TTN: variants seen among roughly 807,000 people sequenced by gnomAD.
TTN encodes titin, also known as connectin.
A neutral mutation model predicts 3,223.0 loss-of-function variants in TTN; 1,525 were observed. The ratio of observed to expected loss-of-function variants is 0.47; its 90% CI spans 0.45 to 0.49. The LOEUF is 0.49. Among genes scored for constraint, TTN ranks in the 20% least tolerant of loss-of-function variants. TTN has a pLI of 0.00. For synonymous variants in TTN, 14,094 were observed against 15,161.0 expected, an observed-to-expected ratio of 0.93 and a Z score of 5.17; for missense variants, 40,786 against 43,424.0, an observed-to-expected ratio of 0.94 and a Z score of 5.40.
At position 178,723,366 on chromosome 2, in the gene TTN, AC is replaced by A. The variant is rs1364113110; in HGVS notation, c.21683-43del. 3.7e-6 allele frequency: 6 copies of A among 1,603,520 alleles called. No individual in the cohort carries two copies. The African/African-American group carries it at 6.7e-5, about 18-fold the overall frequency. On this transcript the variant is annotated intron_variant, in intron 74 of 362. Transcript: ENST00000589042. ...CACAGCAGTTAAACACAAGAAAAAC[AC>A]AAGGATGTCGGTATACAGAAAACAG...
At position 178,707,543 on chromosome 2, in the gene TTN, G is replaced by A; in HGVS notation, c.29024C>T (p.Ser9675Leu). 6.2e-7 allele frequency: 1 copy of A among 1,613,270 alleles called. No homozygotes were observed. The highest frequency in any genetic ancestry group is 8.5e-7 in the Non-Finnish European group (1 of 1,179,422). Reference sequence around the variant, plus strand: ...GTCTGTACCTTTAATGGTCACTTTTGATTTGGTAGTGTCACTTCCAGCCAC... The same window carrying A: ...GTCTGTACCTTTAATGGTCACTTTTAATTTGGTAGTGTCACTTCCAGCCAC... ...SNVAGSDTTK[S>L]KVTIKDKPAV... is the part of the protein sequence containing the mutation. The change falls in exon 100 of 363, where the codon TCA becomes TTA. Residue 9675 changes from serine (S) to leucine (L), a missense_variant. Coordinates refer to ENST00000589042, the MANE Select transcript of TTN (RefSeq NM_001267550.2).
chr2:178,601,239 T>C (rs1209938923), intron 287 of TTN, 26 bp downstream of exon 287: 8 of 1,520,396 alleles, frequency 5.3e-6, no homozygotes, highest in Non-Finnish European at 7.0e-6. Flanking sequence ...TGAGAAGATA[T>C]TTTAAATTTA....
rs780753483 is a variant in TTN, at chr2:178,709,593, G to A, written c.28726C>T (p.Leu9576=). Residue 9576 remains leucine (L), a synonymous_variant, in exon 99 of 363, where the codon CTG becomes TTG. Transcript: ENST00000589042. ...CKVSNDAGSA[L]CTSSIVIKEP... The stretch of plus-strand genomic sequence containing the variant: ...TTGATGACGATTGAAGACGTGCACA[G>A]AGCAGAGCCTGCATCATTGGACACT... 3.7e-6 allele frequency: 6 copies of A among 1,613,560 alleles called. No homozygotes were observed. In the Admixed American group the frequency reaches 1.0e-4, roughly 27 times the overall value.
rs915984764 is a variant in TTN, at chr2:178,717,957, A to G, written c.25049T>C (p.Val8350Ala). The change falls in exon 86 of 363, where the codon GTG (valine) becomes GCG (alanine). Residue 8350 changes from valine (V) to alanine (A), a missense_variant. Val to Ala is a moderately conservative substitution (Grantham distance 64). Coordinates refer to ENST00000589042, the MANE Select transcript of TTN (RefSeq NM_001267550.2). ...AACACCATCACCTTTGATAACAAGCACAGCTGAAGAAGCGACTGCCCCCAC... is the reference window on the plus strand; with the variant it reads ...AACACCATCACCTTTGATAACAAGCGCAGCTGAAGAAGCGACTGCCCCCAC... ...NSVGAVASSA[V>A]LVIKARKLPP... The G allele has an allele frequency of 1.9e-6, 3 of 1,611,954 alleles. No individual in the cohort carries two copies. Among genetic ancestry groups the G allele is most frequent in the Middle Eastern group, 1.7e-4 (1 of 6,046 alleles).
rs2092877322 is a variant in TTN, at chr2:178,782,603, C to T, written c.3101-1G>A. 1.2e-6 allele frequency: 2 copies of T among 1,613,834 alleles called. No individual in the cohort carries two copies. Among genetic ancestry groups the T allele is most frequent in the East Asian group, 4.5e-5 (2 of 44,846 alleles). On this transcript the variant is annotated splice_acceptor_variant, in intron 18 of 362. Coordinates refer to ENST00000589042, the MANE Select transcript of TTN (RefSeq NM_001267550.2). LOFTEE classifies it high-confidence loss of function. ...GTTTCCTTTTCAAATTCTTCTGACA[C>T]TAAAAGAAGACAAAAGTTTCTCATT...
rs757018821 is a variant in TTN, at chr2:178,607,538, C to G, written c.53150G>C (p.Arg17717Pro). 1.2e-6 allele frequency: 2 copies of G among 1,613,060 alleles called. No individual in the cohort carries two copies. Among genetic ancestry groups the G allele is most frequent in the East Asian group, 4.5e-5 (2 of 44,824 alleles). ...GGTTCCAACGTTGTCTATTACAACA[C>G]GGTCTTTATCCAGCTCCCCTTCTTC... ...TKEEGELDKD[R>P]VVIDNVGTKS... The change falls in exon 277 of 363, where the codon CGT becomes CCT. Residue 17717 changes from arginine (R) to proline (P), a missense_variant. Transcript: ENST00000589042.
In TTN at chr2:178,585,287, A is replaced by G; in HGVS notation, c.64457T>C (p.Ile21486Thr). Residue 21486 changes from isoleucine to threonine, a missense_variant, in exon 309 of 363, where the codon ATT (isoleucine) becomes ACT (threonine). By Grantham distance (89) the Ile-to-Thr change is moderately conservative. Coordinates refer to ENST00000589042, the MANE Select transcript of TTN (RefSeq NM_001267550.2). ...AGGCTTTCCATACACATGGGCTTCA[A>G]TTCGGAGTTTTTTCCCAGCTTTGAT... ...ITIKAGKKLR[I>T]EAHVYGKPHP... is the part of the protein sequence containing the mutation. 6.2e-7 allele frequency: 1 copy of G among 1,611,906 alleles called. No homozygotes were observed. Among genetic ancestry groups the G allele is most frequent in the Non-Finnish European group, 8.5e-7 (1 of 1,178,922 alleles).
In TTN at chr2:178,611,642, C is replaced by G. The variant is rs1427198480; in HGVS notation, c.50587G>C (p.Asp16863His). 6.2e-7 allele frequency: 1 copy of G among 1,613,026 alleles called. No homozygotes were observed. Among genetic ancestry groups the G allele is most frequent in the Non-Finnish European group, 8.5e-7 (1 of 1,179,364 alleles). The change falls in exon 269 of 363, where the codon GAT (aspartate) becomes CAT (histidine). Residue 16863 changes from aspartate (D) to histidine (H), a missense_variant. Asp to His is a moderately conservative substitution (Grantham distance 81). Transcript: ENST00000589042. ...ATGGCAATGTGTTTTCTCCCAGCAT[C>G]AGTCACATGTAGGTCAAGGGGTGGT... ...PSPPLDLHVT[D>H]AGRKHIAIAW...
chr2:178,782,428 CT>C lies in TTN; in HGVS notation c.3165-2del, dbSNP rs1450643120. ...AACCACATCTCTTGACTCAACAAAG[CT>C]GGAAAGAGAATTCCCCTCATATTAG... On this transcript the variant is annotated splice_acceptor_variant, in intron 19 of 362. Transcript: ENST00000589042. LOFTEE classifies it high-confidence loss of function. The C allele has an allele frequency of 6.2e-7, 1 of 1,614,080 alleles. No individual in the cohort carries two copies. The highest frequency in any genetic ancestry group is 1.1e-5 in the South Asian group (1 of 91,080).
chr2:178,568,143 G>A lies in TTN; in HGVS notation c.77989C>T (p.Pro25997Ser). 1 of 1,613,484 alleles carries A rather than the reference G, an allele frequency of 6.2e-7. No homozygotes were observed. The highest frequency in any genetic ancestry group is 1.7e-5 in the Admixed American group (1 of 59,978). Reference protein sequence around the residue: ...PYKEPGPPGTPFATAISKDSM... With the variant: ...PYKEPGPPGTSFATAISKDSM... ...TCTTTGGAAATGGCTGTGGCAAATG[G>A]TGTACCTGGAGGGCCTGGTTCTTTG... The change falls in exon 326 of 363, where the codon CCA (proline) becomes TCA (serine). Residue 25997 changes from proline to serine, a missense_variant. Pro to Ser is a moderately conservative substitution (Grantham distance 74, BLOSUM62 -1). Coordinates refer to ENST00000589042, the MANE Select transcript of TTN (RefSeq NM_001267550.2).
At chr2:178,648,378 T>C (rs1404577106) in intron 213 of TTN, among the ~76,000 whole-genome samples, 1 of 152,038 alleles carries the variant, frequency 6.6e-6, no homozygotes, top group Admixed American at 6.6e-5. Context: ...AATATGCTCT[T>C]CCCTTTCCAT....
Position 178,542,483 on chromosome 2 carries a change from C to T in TTN, c.97273G>A (p.Glu32425Lys), listed in dbSNP as rs1169300714. 6.2e-7 allele frequency: 1 copy of T among 1,613,112 alleles called. No individual in the cohort carries two copies. The highest frequency in any genetic ancestry group is 1.3e-5 in the African/African-American group (1 of 75,028). ...TSITISWEPP[E>K]LDGGAPLSGY... is the part of the protein sequence containing the mutation. ...CTCAGTGGAGCACCACCGTCCAATT[C>T]AGGTGGTTCCCAGGAAATGGTAATT... is the stretch of plus-strand genomic sequence containing the variant. Residue 32425 changes from glutamate (E) to lysine (K), a missense_variant, in exon 349 of 363, where the codon GAA becomes AAA. Transcript: ENST00000589042.
chr2:178,596,773 C>A (rs2051761502), intron 294 of TTN, among the ~76,000 whole-genome samples: 1 of 151,974 alleles, frequency 6.6e-6, no homozygotes, highest in African/African-American at 2.4e-5. Flanking sequence ...AAAACTGTGG[C>A]TGGAGTATTG....
chr2:178,692,622 A>G (rs2072741192), intron 119 of TTN, 42 bp from the exon 120 acceptor site: 1 of 1,414,026 alleles, frequency 7.1e-7, no homozygotes, highest in South Asian at 1.5e-5. Flanking sequence ...TGTGCATTTG[A>G]CAAGGCATAT....
At position 178,680,296 on chromosome 2, in the gene TTN, T is replaced by C. The variant is rs776517192; in HGVS notation, c.33376A>G (p.Lys11126Glu). The change falls in exon 139 of 363, where the codon AAA (lysine) becomes GAA (glutamate). Residue 11126 changes from lysine (K) to glutamate (E), a missense_variant. Physicochemically the swap from Lys to Glu is moderately conservative, Grantham distance 56. Transcript: ENST00000589042. ...MKPKRVVAEE[K>E]VPVPRKEVAP... ...ACTTCTTTTCTAGGGACAGGTACTT[T>C]TTCTTCTGCGACAACCCTCTTGGGC... The C allele has an allele frequency of 6.2e-7, 1 of 1,611,882 alleles. No individual in the cohort carries two copies. The highest frequency in any genetic ancestry group is 8.5e-7 in the Non-Finnish European group (1 of 1,179,088).
intron 121 of TTN, among the ~76,000 whole-genome samples, chr2:178,691,509 T>C (rs991376623): frequency 8.5e-5 from 13 of 152,196 alleles, no homozygotes; most frequent in African/African-American, 2.9e-4. Context: ...AAAATCTGTA[T>C]GTTCCCCACT....
Position 178,599,242 on chromosome 2 carries a change from C to G in TTN, c.56551G>C (p.Glu18851Gln), listed in dbSNP as rs1347369638. Reference sequence around the variant, plus strand: ...ATTCGGAATACATATTCATGGCCTTCTAGCAATTTGGGAATCGTGTACGTG... The same window carrying G: ...ATTCGGAATACATATTCATGGCCTTGTAGCAATTTGGGAATCGTGTACGTG... ...ECTYTIPKLL[E>Q]GHEYVFRIMA... is the part of the protein sequence containing the mutation. Residue 18851 changes from glutamate to glutamine, a missense_variant, in exon 290 of 363, where the codon GAA becomes CAA. Transcript: ENST00000589042. The G allele has an allele frequency of 6.4e-7, 1 of 1,555,144 alleles. No individual in the cohort carries two copies. Among genetic ancestry groups the G allele is most frequent in the African/African-American group, 1.4e-5 (1 of 72,736 alleles).
intron 208 of TTN, 149 bp downstream of exon 208, chr2:178,651,094 T>G (rs1434280063): frequency 2.8e-6 from 2 of 702,176 alleles, no homozygotes; most frequent in African/African-American, 1.8e-5. Flanking sequence ...AATGAAAAAA[T>G]TATTAAAAAG....
At chr2:178,720,728 T>C (rs1245616675) in intron 79 of TTN, 65 bp from the exon 80 acceptor site, 2 of 1,465,000 alleles carry the variant, frequency 1.4e-6, no homozygotes, top group Non-Finnish European at 1.8e-6. Flanking sequence ...AAAAATTAAA[T>C]CTAGAACCTT....
Sources: gnomAD v4.1 joint callset for allele counts (sites outside exome capture counted in the v4.1 genomes callset) on GRCh38, gnomAD v4.1.1 for gene constraint, MANE v1.5 for transcripts, NCBI Gene and HGNC (gene_info 2026-07-23, HGNC 2026-07-21) for gene names.